Variants in SLC44A5 observed in about 807,000 individuals in gnomAD.
The protein encoded by SLC44A5 is choline transporter-like protein 5.
A neutral mutation model predicts 101.8 loss-of-function variants in SLC44A5; 57 were observed. That is an observed-to-expected ratio of 0.56 (90% CI 0.45 to 0.70). The LOEUF is 0.70. Ranked by LOEUF, SLC44A5 falls within the 30% of genes least tolerant of loss-of-function variation. The probability of loss-of-function intolerance (pLI) is 0.00; values close to 1 mark genes in which losing one functional copy is unlikely to be tolerated. For missense variants in SLC44A5, 737 were observed against 853.1 expected, an observed-to-expected ratio of 0.86 and a Z score of 1.70; for synonymous variants, 281 against 290.9, an observed-to-expected ratio of 0.97 and a Z score of 0.35.
chr1:75,328,704 A>G (rs1031161237), intron 4 of SLC44A5, among the ~76,000 whole-genome samples: 1 of 152,140 alleles, frequency 6.6e-6, no homozygotes. Flanking sequence ...CCTGGGAAAA[A>G]ATAGTCTCAA....
At chr1:75,266,971 G>A (rs1229822285) in intron 6 of SLC44A5, among the ~76,000 whole-genome samples, 1 of 152,194 alleles carries the variant, frequency 6.6e-6, no homozygotes, top group Middle Eastern at 3.2e-3. Flanking sequence ...AGATGAGATT[G>A]TCAGCACTAT....
chr1:75,232,534 G>A (rs1647673397), intron 12 of SLC44A5, among the ~76,000 whole-genome samples: 1 of 152,044 alleles, frequency 6.6e-6, no homozygotes, highest in Non-Finnish European at 1.5e-5. Context: ...ACCTGGCTGT[G>A]CTCAATAAGA....
At chr1:75,429,553 C>T (rs1243430937) in intron 2 of SLC44A5, among the ~76,000 whole-genome samples, 1 of 152,022 alleles carries the variant, frequency 6.6e-6, no homozygotes, top group Non-Finnish European at 1.5e-5. Flanking sequence ...AAAGGAATAC[C>T]CGAGACTAAT....
intron 4 of SLC44A5, among the ~76,000 whole-genome samples, chr1:75,305,388 C>T (rs747898981): frequency 3.3e-5 from 5 of 152,150 alleles, no homozygotes; most frequent in East Asian, 1.9e-4. Context: ...TGATCCAATT[C>T]GGTCTGCACA....
At position 75,521,014 on chromosome 1, in the gene SLC44A5, A is replaced by G. The variant is rs930971041; in HGVS notation, c.13+20421T>C. ...GTCAGTTGTCCTGACACAGGGTAGC[A>G]GGGGTTGAAACACAGTAACACTTAA... On this transcript the variant is annotated intron_variant, in intron 2 of 23. Coordinates refer to ENST00000370859, the MANE Select transcript of SLC44A5 (RefSeq NM_001130058.2). Among the ~76,000 whole-genome samples the G allele has an allele frequency of 2.6e-5, 4 of 152,308 alleles. No homozygotes were observed. The South Asian group carries it at 6.2e-4, about 24-fold the overall frequency.
At chr1:75,399,765 T>C (rs1312635692) in intron 2 of SLC44A5, among the ~76,000 whole-genome samples, 2 of 152,212 alleles carry the variant, frequency 1.3e-5, no homozygotes, top group Admixed American at 1.3e-4. Flanking sequence ...GTGATTAAAA[T>C]ATGTTGCTTT....
chr1:75,523,394 C>T (rs1670246085), intron 2 of SLC44A5, among the ~76,000 whole-genome samples: 1 of 152,152 alleles, frequency 6.6e-6, no homozygotes, highest in Non-Finnish European at 1.5e-5. Flanking sequence ...CCCACTGCAA[C>T]CTCCACCTCC....
intron 1 of SLC44A5, among the ~76,000 whole-genome samples, chr1:75,608,289 G>A (rs1325189861): frequency 6.6e-6 from 1 of 151,830 alleles, no homozygotes; most frequent in Non-Finnish European, 1.5e-5. Context: ...ATCAACCTAC[G>A]TGTCTATCCA....
intron 3 of SLC44A5, among the ~76,000 whole-genome samples, chr1:75,359,070 G>A (rs1659289958): frequency 1.3e-5 from 2 of 151,338 alleles, no homozygotes; most frequent in Admixed American, 6.6e-5. Context: ...GATTGCCCAT[G>A]TAAGTGAGAT....
At chr1:75,687,363 G>A in the SLC44A5 span, among the ~76,000 whole-genome samples, 5 of 152,088 alleles carry the variant, frequency 3.3e-5, no homozygotes, top group African/African-American at 9.7e-5. Flanking sequence ...GAGTGCAGTG[G>A]CACAATCTCC....
upstream of SLC44A5, among the ~76,000 whole-genome samples, chr1:75,615,625 C>T (rs1675845243): frequency 6.6e-6 from 1 of 152,128 alleles, no homozygotes; most frequent in African/African-American, 2.4e-5. Flanking sequence ...GAGGAGTCTC[C>T]AGGTTTCCCC....
intron 15 of SLC44A5, 115 bp downstream of exon 15, chr1:75,219,679 AATAGTT>A: frequency 4.6e-6 from 3 of 654,306 alleles, no homozygotes; most frequent in Admixed American, 6.3e-5. Context: ...TTGGGAAAAA[AATAGTT>A]ATTTCTTAGT....
intron 1 of SLC44A5, among the ~76,000 whole-genome samples, chr1:75,557,324 T>C (rs1672273062): frequency 6.6e-6 from 1 of 152,152 alleles, no homozygotes; most frequent in South Asian, 2.1e-4. Context: ...AGGGAGCATG[T>C]AGATGACTTT....
At chr1:75,403,505 G>T (rs1163897436) in intron 2 of SLC44A5, among the ~76,000 whole-genome samples, 1 of 152,146 alleles carries the variant, frequency 6.6e-6, no homozygotes, top group Non-Finnish European at 1.5e-5. Flanking sequence ...GAAGAAACAG[G>T]CAGCAATCTT....
intron 1 of SLC44A5, among the ~76,000 whole-genome samples, chr1:75,575,626 A>T (rs1313289558): frequency 6.6e-6 from 1 of 152,216 alleles, no homozygotes; most frequent in African/African-American, 2.4e-5. Context: ...CAAGTTATTT[A>T]GAGTAGTCCA....
intron 2 of SLC44A5, among the ~76,000 whole-genome samples, chr1:75,525,514 C>A (rs2347537): frequency 0.017 from 2,575 of 151,842 alleles, 72 homozygotes; most frequent in African/African-American, 0.059. Flanking sequence ...ACTGTCCTGC[C>A]ATGTCTTCAA....
chr1:75,697,309 G>C, the SLC44A5 span, among the ~76,000 whole-genome samples: 1 of 152,100 alleles, frequency 6.6e-6, no homozygotes, highest in South Asian at 2.1e-4. Flanking sequence ...TTGTGACAAA[G>C]GCCATGCTAG....
chr1:75,276,730 C>T (rs933808209), intron 5 of SLC44A5, among the ~76,000 whole-genome samples: 1 of 152,100 alleles, frequency 6.6e-6, no homozygotes, highest in Non-Finnish European at 1.5e-5. Context: ...AAGACAAGAG[C>T]TTTGATGCAG....
At chr1:75,407,284 C>T (rs1306887931) in intron 2 of SLC44A5, among the ~76,000 whole-genome samples, 1 of 152,028 alleles carries the variant, frequency 6.6e-6, no homozygotes. Flanking sequence ...GCCATACTGC[C>T]CAAAGTAATT....
Sources: gnomAD v4.1 joint callset for allele counts (sites outside exome capture counted in the v4.1 genomes callset) on GRCh38, gnomAD v4.1.1 for gene constraint, MANE v1.5 for transcripts, NCBI Gene and HGNC (gene_info 2026-07-23, HGNC 2026-07-21) for gene names.